SPOCK3: variants seen among roughly 807,000 people sequenced by gnomAD.
SPOCK3 encodes testican-3.
A neutral mutation model predicts 56.6 loss-of-function variants in SPOCK3; 30 were observed. The observed-to-expected ratio is 0.53, with a 90% CI of 0.40 to 0.72. The LOEUF (loss-of-function observed/expected upper bound fraction) is 0.72. Ranked by LOEUF, SPOCK3 falls within the 30% of genes least tolerant of loss-of-function variation. The pLI is 0.00. For missense variants in SPOCK3, 527 were observed against 530.0 expected (o/e 0.99, Z 0.06); for synonymous variants, 196 against 183.3 (o/e 1.07, Z -0.56).
At chr4:166,768,476 G>T (rs2126553345) in intron 7 of SPOCK3, among the ~76,000 whole-genome samples, 1 of 152,206 alleles carries the variant, frequency 6.6e-6, no homozygotes, top group East Asian at 1.9e-4. Flanking sequence ...GAAATTCTGG[G>T]TTGAAAATTC....
At chr4:166,750,724 A>G (rs2219234) in intron 8 of SPOCK3, among the ~76,000 whole-genome samples, 49,674 of 152,028 alleles carry the variant, frequency 0.33, 8,308 homozygotes, top group Admixed American at 0.41. Context: ...TACCCATGAA[A>G]TTTTGAACTA....
At chr4:167,215,137 C>T (rs1244397445) in intron 2 of SPOCK3, among the ~76,000 whole-genome samples, 1 of 151,830 alleles carries the variant, frequency 6.6e-6, no homozygotes, top group Non-Finnish European at 1.5e-5. Context: ...CCGTAACTAC[C>T]AGGATCAATA....
intron 3 of SPOCK3, among the ~76,000 whole-genome samples, chr4:167,027,645 CAT>C (rs1307317413): frequency 1.2e-4 from 18 of 152,122 alleles, no homozygotes; most frequent in East Asian, 5.8e-4. Flanking sequence ...GTCCATTACA[CAT>C]GTTTTGCATT....
At chr4:166,941,544 GGC>G (rs1741073199) in intron 4 of SPOCK3, among the ~76,000 whole-genome samples, 1 of 152,074 alleles carries the variant, frequency 6.6e-6, no homozygotes, top group African/African-American at 2.4e-5. Flanking sequence ...GTGGGTAGTT[GGC>G]CTCTAAGATG....
chr4:167,003,692 G>A (rs1361905650), intron 3 of SPOCK3, among the ~76,000 whole-genome samples: 2 of 152,256 alleles, frequency 1.3e-5, no homozygotes, highest in African/African-American at 4.8e-5. Context: ...AAAGATTTCA[G>A]CAATTGCATT....
Position 166,764,702 on chromosome 4 carries a change from C to T in SPOCK3, c.710-9973G>A, listed in dbSNP as rs371524290. Reference sequence around the variant, plus strand: ...TGATTTATAATCCTTTGGGTATATACCCCTTAATGGGATGGCTGGGTCAAA... The same window carrying T: ...TGATTTATAATCCTTTGGGTATATATCCCTTAATGGGATGGCTGGGTCAAA... On this transcript the variant is annotated intron_variant, in intron 7 of 10. Transcript: ENST00000357545. 3.4e-3 allele frequency among the ~76,000 whole-genome samples: 523 copies of T among 152,250 alleles called. 14 individuals carry two copies. In the East Asian group the frequency reaches 0.083, roughly 24 times the overall value.
At chr4:166,958,727 T>C (rs961519564) in intron 4 of SPOCK3, among the ~76,000 whole-genome samples, 1 of 152,154 alleles carries the variant, frequency 6.6e-6, no homozygotes, top group Non-Finnish European at 1.5e-5. Context: ...GAATGCAATA[T>C]TTAAGTTGAA....
chr4:166,806,678 T>C (rs1188263708), intron 6 of SPOCK3, among the ~76,000 whole-genome samples: 3 of 151,990 alleles, frequency 2.0e-5, no homozygotes, highest in East Asian at 3.9e-4. Context: ...AAAAACACAA[T>C]TGTTTCTTTG....
At chr4:166,895,281 T>C (rs763303514) in intron 5 of SPOCK3, among the ~76,000 whole-genome samples, 7 of 151,844 alleles carry the variant, frequency 4.6e-5, no homozygotes, top group Non-Finnish European at 8.8e-5. Context: ...AAATAACAAC[T>C]AAGAGGATTT....
intron 6 of SPOCK3, among the ~76,000 whole-genome samples, chr4:166,853,667 G>A (rs1214188933): frequency 6.6e-6 from 1 of 152,172 alleles, no homozygotes; most frequent in African/African-American, 2.4e-5. Context: ...TGGATCACTT[G>A]AGGCCAGGAG....
intron 4 of SPOCK3, among the ~76,000 whole-genome samples, chr4:166,950,612 C>A (rs1313968997): frequency 2.7e-5 from 4 of 150,784 alleles, no homozygotes; most frequent in Admixed American, 1.3e-4. Context: ...AACTCTCCAC[C>A]CCAAATCAAC....
chr4:166,753,111 C>A (rs1451755285), intron 8 of SPOCK3, among the ~76,000 whole-genome samples: 1 of 151,852 alleles, frequency 6.6e-6, no homozygotes, highest in Non-Finnish European at 1.5e-5. Context: ...TTATCGATTT[C>A]TGTAGACAAA....
At chr4:167,081,553 C>T (rs1333605933) in intron 2 of SPOCK3, among the ~76,000 whole-genome samples, 1 of 151,910 alleles carries the variant, frequency 6.6e-6, no homozygotes, top group Non-Finnish European at 1.5e-5. Context: ...CACAACCCCA[C>T]CAAAAAGGAA....
chr4:167,062,348 A>G (rs35612453), intron 3 of SPOCK3, 144 bp downstream of exon 3: 21,935 of 502,824 alleles, frequency 0.044, 614 homozygotes, highest in Non-Finnish European at 0.057. Flanking sequence ...CTGAAATGTA[A>G]GTAATTATTG....
chr4:166,869,169 C>CACCAGATCAAAGCTAAA (rs779313270), intron 6 of SPOCK3, among the ~76,000 whole-genome samples: 11,630 of 152,112 alleles, frequency 0.076, 524 homozygotes, highest in Non-Finnish European at 0.1. Context: ...CCTGATCTTG[C>CACCAGATCAAAGCTAAA]AGGATCAGCA....
chr4:166,878,981 C>A (rs138871711), intron 6 of SPOCK3, among the ~76,000 whole-genome samples: 5 of 152,052 alleles, frequency 3.3e-5, no homozygotes, highest in East Asian at 1.9e-4. Flanking sequence ...CTAATAAGGG[C>A]AAAATGATAT....
intron 4 of SPOCK3, among the ~76,000 whole-genome samples, chr4:166,949,584 T>C (rs996760855): frequency 1.3e-5 from 2 of 152,184 alleles, no homozygotes; most frequent in East Asian, 1.9e-4. Flanking sequence ...TGCACGTCTG[T>C]TGGAGTTTCC....
At chr4:167,007,252 G>T (rs1021113464) in intron 3 of SPOCK3, among the ~76,000 whole-genome samples, 2 of 151,894 alleles carry the variant, frequency 1.3e-5, no homozygotes, top group African/African-American at 4.8e-5. Flanking sequence ...GACCCCAGAG[G>T]GTACCAAAAT....
intron 6 of SPOCK3, among the ~76,000 whole-genome samples, chr4:166,800,768 T>C (rs902956280): frequency 1.3e-5 from 2 of 152,136 alleles, no homozygotes; most frequent in African/African-American, 2.4e-5. Context: ...TTAATTTTGA[T>C]TAGTGAAAGA....
Sources: gnomAD v4.1 joint callset for allele counts (sites outside exome capture counted in the v4.1 genomes callset) on GRCh38, gnomAD v4.1.1 for gene constraint, MANE v1.5 for transcripts, NCBI Gene and HGNC (gene_info 2026-07-23, HGNC 2026-07-21) for gene names.